Variants in C1orf87 observed in about 807,000 individuals in gnomAD.
C1orf87 encodes the protein chromosome 1 open reading frame 87, also known as uncharacterized protein C1orf87.
C1orf87 carries 58 observed loss-of-function variants against 60.5 expected under a neutral mutation model. That is an observed-to-expected ratio of 0.96 (90% CI 0.78 to 1.19). The LOEUF is 1.19. Among genes scored for constraint, C1orf87 ranks in the 50% most tolerant of loss-of-function variants. The probability of loss-of-function intolerance (pLI) is 0.00; values close to 1 mark genes in which losing one functional copy is unlikely to be tolerated. For missense variants in C1orf87, 673 were observed against 638.6 expected (o/e 1.05, Z -0.58); for synonymous variants, 236 against 227.4 (o/e 1.04, Z -0.34).
rs759000208 is a variant in C1orf87, at chr1:59,997,734, A to G, written c.1355T>C (p.Ile452Thr). The part of the protein sequence containing the change: ...ACKDPLKPLK[I>T]RPVSQPFVNP... ...CACGAAGGGCTGGGAGACTGGCCTGATCTTTAAAGGTTTCAGAGGATCTTT... is the reference window on the plus strand; with the variant it reads ...CACGAAGGGCTGGGAGACTGGCCTGGTCTTTAAAGGTTTCAGAGGATCTTT... Residue 452 changes from isoleucine to threonine, a missense_variant, in exon 11 of 12, where the codon ATC becomes ACC. Ile to Thr is a moderately conservative substitution (Grantham distance 89, BLOSUM62 -1). Coordinates refer to ENST00000371201, the MANE Select transcript of C1orf87 (RefSeq NM_152377.3). 3.1e-6 allele frequency: 5 copies of G among 1,613,950 alleles called. No individual in the cohort carries two copies. In the South Asian group the frequency reaches 3.3e-5, roughly 11 times the overall value.
intron 9 of C1orf87, among the ~76,000 whole-genome samples, chr1:60,009,732 C>T (rs1645069865): frequency 6.6e-6 from 1 of 151,948 alleles, no homozygotes; most frequent in Non-Finnish European, 1.5e-5. Context: ...AAAACTACAA[C>T]AGCAGATTAA....
intron 2 of C1orf87, among the ~76,000 whole-genome samples, chr1:60,060,935 A>G (rs749807578): frequency 4.6e-5 from 7 of 152,136 alleles, no homozygotes; most frequent in Non-Finnish European, 8.8e-5. Context: ...TTGCACTTGC[A>G]TTCTCTCCTG....
chr1:60,040,652 G>A (rs1645316130), intron 4 of C1orf87, among the ~76,000 whole-genome samples: 1 of 152,058 alleles, frequency 6.6e-6, no homozygotes. Context: ...GAGTTCGGTT[G>A]AAATTTTTAA....
intron 1 of C1orf87, among the ~76,000 whole-genome samples, chr1:60,073,456 T>A (rs1229176967): frequency 6.6e-6 from 1 of 152,178 alleles, no homozygotes; most frequent in East Asian, 1.9e-4. Context: ...CACAGAGGAA[T>A]GAAGGACGGG....
In C1orf87 at chr1:59,990,712, C is replaced by T. The variant is rs1039823274; in HGVS notation, c.1602G>A (p.Met534Ile). The T allele has an allele frequency of 2.5e-6, 4 of 1,613,936 alleles. No individual in the cohort carries two copies. In the African/African-American group the frequency reaches 4.0e-5, roughly 16 times the overall value. ...ALRRFRSGEN[M>I]LLEPALRYLK... Reference sequence around the variant, plus strand: ...AGTACCGCAGTGCTGGCTCCAAGAGCATATTTTCTCCCGAACGGAATCTGC... The same window carrying T: ...AGTACCGCAGTGCTGGCTCCAAGAGTATATTTTCTCCCGAACGGAATCTGC... The change falls in exon 12 of 12, where the codon ATG becomes ATA. Residue 534 changes from methionine (M) to isoleucine (I), a missense_variant. By Grantham distance (10) the Met-to-Ile change is conservative (BLOSUM62 1). Transcript: ENST00000371201.
intron 7 of C1orf87, among the ~76,000 whole-genome samples, chr1:60,031,817 G>A (rs1645239551): frequency 6.6e-6 from 1 of 152,142 alleles, no homozygotes; most frequent in Non-Finnish European, 1.5e-5. Context: ...CATTGGTTAT[G>A]TGGTTTCTAA....
chr1:59,992,255 TTTATTTA>T (rs1644929504), intron 11 of C1orf87, among the ~76,000 whole-genome samples: 2 of 151,072 alleles, frequency 1.3e-5, no homozygotes, highest in East Asian at 3.9e-4. Context: ...TATTTATTTA[TTTATTTA>T]TTTTTTATTT....
chr1:60,060,201 T>A (rs1456301130), intron 2 of C1orf87, among the ~76,000 whole-genome samples: 9 of 151,994 alleles, frequency 5.9e-5, no homozygotes, highest in Non-Finnish European at 1.2e-4. Flanking sequence ...TATACTTGAA[T>A]CATTTCTTTA....
intron 9 of C1orf87, chr1:60,008,874 A>G (rs1574298147): frequency 2.9e-6 from 1 of 343,582 alleles, no homozygotes; most frequent in East Asian, 8.1e-5. Context: ...TCCTTCCTCC[A>G]GCTGCTTGGC....
intron 2 of C1orf87, among the ~76,000 whole-genome samples, chr1:60,064,621 C>A (rs1480808693): frequency 2.0e-4 from 7 of 35,574 alleles, no homozygotes; most frequent in African/African-American, 3.3e-4. Context: ...TAAAATATAT[C>A]ATATATATAA....
intron 6 of C1orf87, among the ~76,000 whole-genome samples, chr1:60,034,815 C>T (rs1447835646): frequency 1.3e-5 from 2 of 152,120 alleles, no homozygotes; most frequent in African/African-American, 4.8e-5. Flanking sequence ...GTAGTCTGCT[C>T]TAAGAGGTCA....
chr1:60,004,011 G>A (rs558037958), intron 9 of C1orf87, among the ~76,000 whole-genome samples: 13 of 152,128 alleles, frequency 8.5e-5, no homozygotes, highest in African/African-American at 2.4e-4. Flanking sequence ...AAGTTGTCAC[G>A]AGAACCCATC....
At chr1:60,042,308 C>T (rs1645331250) in intron 3 of C1orf87, among the ~76,000 whole-genome samples, 1 of 152,028 alleles carries the variant, frequency 6.6e-6, no homozygotes, top group African/African-American at 2.4e-5. Context: ...GATCTCGGCT[C>T]ACTGCAACCT....
At chr1:60,013,282 G>A (rs1021905370) in intron 8 of C1orf87, among the ~76,000 whole-genome samples, 1 of 151,826 alleles carries the variant, frequency 6.6e-6, no homozygotes, top group Non-Finnish European at 1.5e-5. Flanking sequence ...TCTCTATTCT[G>A]ATTCTTTCAT....
At position 59,997,652 on chromosome 1, in the gene C1orf87, C is replaced by T. The variant is rs1229483126; in HGVS notation, c.1437G>A (p.Arg479=). 3 of 1,613,976 alleles carry T rather than the reference C, an allele frequency of 1.9e-6. No individual in the cohort carries two copies. Among genetic ancestry groups the T allele is most frequent in the Admixed American group, 3.3e-5 (2 of 59,998 alleles). ...EECETWIDRF[R]KLENALYLCD... ...ACAGGTAGAGGGCATTTTCCAGCTT[C>T]CTGAACCTGTCTATCCACGTCTCAC... The change falls in exon 11 of 12, where the codon AGG becomes AGA. Residue 479 remains arginine, a synonymous_variant. Transcript: ENST00000371201.
intron 9 of C1orf87, among the ~76,000 whole-genome samples, chr1:60,007,445 A>G (rs1209045377): frequency 6.6e-6 from 1 of 151,872 alleles, no homozygotes; most frequent in Non-Finnish European, 1.5e-5. Context: ...CTTGTCATTC[A>G]TTTTCTTGAA....
At chr1:60,046,141 T>C (rs974784917) in intron 3 of C1orf87, among the ~76,000 whole-genome samples, 1 of 150,730 alleles carries the variant, frequency 6.6e-6, no homozygotes, top group Non-Finnish European at 1.5e-5. Context: ...TTAAAATTCC[T>C]TCCTTCCTTC....
Position 60,001,086 on chromosome 1 carries a change from A to C in C1orf87, c.1263T>G (p.Thr421=). Residue 421 remains threonine, a synonymous_variant, in exon 10 of 12, where the codon ACT becomes ACG. Coordinates refer to ENST00000371201, the MANE Select transcript of C1orf87 (RefSeq NM_152377.3). ...PEVPEMSQSK[T]EHMKTPEEEL... Reference sequence around the variant, plus strand: ...TACCCCAGGTGCATACCATATGTTCAGTTTTGCTTTGAGACATCTCGGGGA... The same window carrying C: ...TACCCCAGGTGCATACCATATGTTCCGTTTTGCTTTGAGACATCTCGGGGA... 1 of 1,608,878 alleles carries C rather than the reference A, an allele frequency of 6.2e-7. No individual in the cohort carries two copies.
chr1:59,997,426 A>G (rs1055568868), intron 11 of C1orf87, among the ~76,000 whole-genome samples, 183 bp downstream of exon 11: 7 of 152,144 alleles, frequency 4.6e-5, no homozygotes, highest in Non-Finnish European at 8.8e-5. Context: ...ATTATAAGCA[A>G]TCTGGTATGG....
Sources: gnomAD v4.1 joint callset for allele counts (sites outside exome capture counted in the v4.1 genomes callset) on GRCh38, gnomAD v4.1.1 for gene constraint, MANE v1.5 for transcripts, NCBI Gene and HGNC (gene_info 2026-07-23, HGNC 2026-07-21) for gene names.